The following NOB1 variants were observed in gnomAD, a reference collection of about 807,000 sequenced individuals.
NOB1 encodes NIN1 (RPN12) binding protein 1 homolog.
In NOB1, 44 loss-of-function variants were observed where a neutral mutation model predicts 44.8. The observed-to-expected ratio is 0.98, with a 90% confidence interval of 0.77 to 1.26. NOB1 has a LOEUF of 1.26. Ranked by LOEUF, NOB1 falls within the 50% of genes most tolerant of loss-of-function variation. NOB1 has a pLI of 0.00. For synonymous variants in NOB1, 238 were observed against 218.7 expected (o/e 1.09, Z -0.78); for missense variants, 560 against 544.8 (o/e 1.03, Z -0.28).
In NOB1 at chr16:69,748,627, T is replaced by C. The variant is rs2038453878; in HGVS notation, c.726+291A>G. 1.3e-5 allele frequency: 7 copies of C among 532,156 alleles called. No individual in the cohort carries two copies. In the East Asian group the frequency reaches 1.8e-4, roughly 14 times the overall value. 33.0% of individuals were successfully genotyped at this position (532,156 alleles called of 1,614,324 possible). A position where few individuals can be genotyped will look rare whatever the true frequency, so the allele number is the denominator to read the frequency against. ...TCATTGCTGGGCTGAAAACCCTCTC[T>C]CCCTGTGTTAAGAACCTGACTGACC... On this transcript the variant is annotated intron_variant, in intron 6 of 8. Coordinates refer to ENST00000268802, the MANE Select transcript of NOB1 (RefSeq NM_014062.3).
chr16:69,744,764 A>G, intron 8 of NOB1, 109 bp downstream of exon 8: 2 of 1,283,044 alleles, frequency 1.6e-6, no homozygotes, highest in Non-Finnish European at 2.1e-6. Context: ...CCTAGGTCAC[A>G]GGCTTTCAAT....
chr16:69,747,046 C>G (rs1375084428), intron 7 of NOB1, among the ~76,000 whole-genome samples: 2 of 151,260 alleles, frequency 1.3e-5, no homozygotes, highest in African/African-American at 4.9e-5. Flanking sequence ...CACGGTGAAA[C>G]CCCGTCTCTA....
At position 69,745,851 on chromosome 16, in the gene NOB1, A is replaced by G. The variant is rs148831062; in HGVS notation, c.825-834T>C. Reference sequence around the variant, plus strand: ...TAAGCACCTCATAACAAGTGTTGGGACCTAATTATTTTGTACATCAAACTG... The same window carrying G: ...TAAGCACCTCATAACAAGTGTTGGGGCCTAATTATTTTGTACATCAAACTG... On this transcript the variant is annotated intron_variant, in intron 7 of 8. Transcript: ENST00000268802. Among the ~76,000 whole-genome samples the G allele has an allele frequency of 3.7e-3, 560 of 152,302 alleles. 1 individual carries two copies. The highest frequency in any genetic ancestry group is 0.011 in the South Asian group (55 of 4,826).
chr16:69,749,461 G>A (rs910869507), intron 4 of NOB1, 98 bp downstream of exon 4: 2 of 1,522,628 alleles, frequency 1.3e-6, no homozygotes, highest in Non-Finnish European at 1.8e-6. Context: ...CTATGTTATT[G>A]GTCCGCGTAA....
chr16:69,746,082 T>C (rs934614911), intron 7 of NOB1, among the ~76,000 whole-genome samples: 3 of 151,954 alleles, frequency 2.0e-5, no homozygotes, highest in Non-Finnish European at 2.9e-5. Context: ...CTCTGAGGAG[T>C]GGCTGGCCAC....
In NOB1 at chr16:69,744,873, C is replaced by G. The variant is rs776146294; in HGVS notation, c.969G>C (p.Arg323=). ...GGGGACTGGGAGAGGCGCCACTCAC[C>G]CGGAGGCCGCGGGGGTTCAGCACCT... is the stretch of plus-strand genomic sequence containing the variant. ...NPKVLNPRGL[R]YSLPTPKGGK... is the part of the protein sequence containing the mutation. Residue 323 remains arginine (R), a splice_region_variant and synonymous_variant, in exon 8 of 9, where the codon CGG becomes CGC. Coordinates refer to ENST00000268802, the MANE Select transcript of NOB1 (RefSeq NM_014062.3). 6.2e-7 allele frequency: 1 copy of G among 1,612,324 alleles called. No individual in the cohort carries two copies. Among genetic ancestry groups the G allele is most frequent in the Non-Finnish European group, 8.5e-7 (1 of 1,179,800 alleles).
chr16:69,742,220 C>G lies in NOB1; in HGVS notation c.*112G>C. On this transcript the variant is annotated 3_prime_UTR_variant, in exon 9 of 9. Coordinates refer to ENST00000268802, the MANE Select transcript of NOB1 (RefSeq NM_014062.3). Reference sequence around the variant, plus strand: ...GGCGGACAGAGCCGCACCGTGAAGCCCGCCTGTTATTTCCATCGGGTGGTC... The same window carrying G: ...GGCGGACAGAGCCGCACCGTGAAGCGCGCCTGTTATTTCCATCGGGTGGTC... 1 of 1,390,958 alleles carries G rather than the reference C, an allele frequency of 7.2e-7. No individual in the cohort carries two copies. Among genetic ancestry groups the G allele is most frequent in the African/African-American group, 1.4e-5 (1 of 70,034 alleles). 86.2% of individuals were successfully genotyped at this position (1,390,958 alleles called of 1,614,324 possible).
Position 69,742,544 on chromosome 16 carries a change from C to A in NOB1, c.1027G>T (p.Asp343Tyr), listed in dbSNP as rs1200263600. Residue 343 changes from aspartate to tyrosine, a missense_variant, in exon 9 of 9, where the codon GAT becomes TAT. By Grantham distance (160) the Asp-to-Tyr change is radical. Coordinates refer to ENST00000268802, the MANE Select transcript of NOB1 (RefSeq NM_014062.3). ...AGTCGCAGCTGAGGGAAGCGCTGAT[C>A]CTCGGTGAGATGGGGGTTGATGGCG... Reference protein sequence around the residue: ...KYAINPHLTEDQRFPQLRLSQ... With the variant: ...KYAINPHLTEYQRFPQLRLSQ... 1 of 1,614,130 alleles carries A rather than the reference C, an allele frequency of 6.2e-7. No homozygotes were observed. Among genetic ancestry groups the A allele is most frequent in the East Asian group, 2.2e-5 (1 of 44,876 alleles).
At chr16:69,745,185 G>A (rs190099083) in intron 7 of NOB1, among the ~76,000 whole-genome samples, 168 bp from the exon 8 acceptor site, 3 of 152,306 alleles carry the variant, frequency 2.0e-5, no homozygotes, top group South Asian at 2.1e-4. Flanking sequence ...AAGGGCTGCC[G>A]CATCCCTCTG....
chr16:69,749,161 C>G, intron 5 of NOB1, 43 bp from the exon 6 acceptor site: 1 of 1,613,722 alleles, frequency 6.2e-7, no homozygotes, highest in Non-Finnish European at 8.5e-7. Context: ...CCCACAGGAG[C>G]AGTGGAGGAG....
rs1335994646 is a variant in NOB1 at position 69,754,788 on chromosome 16, C to A, written c.63+60G>T. The A allele has an allele frequency of 8.1e-6, 13 of 1,611,478 alleles. No homozygotes were observed. The East Asian group carries it at 2.9e-4, about 36-fold the overall frequency. On this transcript the variant is annotated intron_variant, in intron 1 of 8. Coordinates refer to ENST00000268802, the MANE Select transcript of NOB1 (RefSeq NM_014062.3). Reference sequence around the variant, plus strand: ...CCAAGCAACGCTCCGCGCGACTCCACGCACTCCGGGAGGGGCGGCCAGCCC... The same window carrying A: ...CCAAGCAACGCTCCGCGCGACTCCAAGCACTCCGGGAGGGGCGGCCAGCCC...
chr16:69,749,743 C>T (rs2038466833), intron 3 of NOB1, 113 bp from the exon 4 acceptor site: 6 of 719,562 alleles, frequency 8.3e-6, no homozygotes, highest in Admixed American at 6.1e-5. Flanking sequence ...TTTAGGAGGC[C>T]GAGGTGGGCG....
chr16:69,749,152 C>A (rs765537614), intron 5 of NOB1, 34 bp from the exon 6 acceptor site: 2 of 1,613,956 alleles, frequency 1.2e-6, no homozygotes, highest in East Asian at 2.2e-5. Flanking sequence ...AACTCCCAAC[C>A]CACAGGAGCA....
chr16:69,750,295 G>A (rs541777580), intron 3 of NOB1, among the ~76,000 whole-genome samples: 146 of 151,974 alleles, frequency 9.6e-4, no homozygotes, highest in African/African-American at 3.2e-3. Flanking sequence ...AGGAGCCACC[G>A]AGCCTGGCTG....
At chr16:69,753,119 G>A (rs1014705505) in intron 2 of NOB1, among the ~76,000 whole-genome samples, 6 of 152,120 alleles carry the variant, frequency 3.9e-5, no homozygotes, top group African/African-American at 1.4e-4. Context: ...CTACTGGGGA[G>A]GCTGAGGCAG....
intron 7 of NOB1, among the ~76,000 whole-genome samples, chr16:69,746,784 G>A (rs1235304754): frequency 6.6e-6 from 1 of 152,098 alleles, no homozygotes; most frequent in African/African-American, 2.4e-5. Flanking sequence ...GCGGGTGCCT[G>A]TAGTCCCAGC....
chr16:69,752,021 C>T (rs1224345093), intron 3 of NOB1, among the ~76,000 whole-genome samples: 2 of 151,500 alleles, frequency 1.3e-5, no homozygotes, highest in African/African-American at 2.4e-5. Flanking sequence ...GCCGAGATCA[C>T]GCCGTTGCAC....
In NOB1 at chr16:69,748,923, T is replaced by C; in HGVS notation, c.721A>G (p.Met241Val). Residue 241 changes from methionine (M) to valine (V), a missense_variant, in exon 6 of 9, where the codon ATG becomes GTG. Transcript: ENST00000268802. Reference sequence around the variant, plus strand: ...CCCAGGCCCACCCTACCCACCTGCATGGCGAAGTCTGTGGTCAGGCAGCCA... The same window carrying C: ...CCCAGGCCCACCCTACCCACCTGCACGGCGAAGTCTGTGGTCAGGCAGCCA... ...RVGCLTTDFA[M>V]QNVLLQMGLH... 6.2e-7 allele frequency: 1 copy of C among 1,603,960 alleles called. No individual in the cohort carries two copies. Among genetic ancestry groups the C allele is most frequent in the Non-Finnish European group, 8.5e-7 (1 of 1,174,302 alleles).
chr16:69,749,408 A>G, intron 4 of NOB1, 70 bp from the exon 5 acceptor site: 1 of 1,567,192 alleles, frequency 6.4e-7, no homozygotes, highest in Non-Finnish European at 8.7e-7. Flanking sequence ...CACAGATGAA[A>G]TCACATATGA....
Sources: gnomAD v4.1 joint callset for allele counts (sites outside exome capture counted in the v4.1 genomes callset) on GRCh38, gnomAD v4.1.1 for gene constraint, MANE v1.5 for transcripts, NCBI Gene and HGNC (gene_info 2026-07-23, HGNC 2026-07-21) for gene names.